STXBP5L: variants seen among roughly 807,000 people sequenced by gnomAD.
The protein encoded by STXBP5L is syntaxin-binding protein 5-like.
STXBP5L carries 65 observed loss-of-function variants against 144.5 expected under a neutral mutation model. The ratio of observed to expected loss-of-function variants is 0.45; its 90% CI spans 0.37 to 0.55. The LOEUF is 0.55. Among genes scored for constraint, STXBP5L ranks in the 20% least tolerant of loss-of-function variants. STXBP5L has a pLI of 0.00. For synonymous variants in STXBP5L, 505 were observed against 469.6 expected (o/e 1.08, Z -0.97); for missense variants, 1,298 against 1,405.5 (o/e 0.92, Z 1.22).
At chr3:121,418,801 G>A (rs540582192) in intron 26 of STXBP5L, among the ~76,000 whole-genome samples, 72 of 152,160 alleles carry the variant, frequency 4.7e-4, no homozygotes, top group African/African-American at 1.6e-3. Context: ...TTATCCATTG[G>A]TTCTGATACA....
At chr3:121,099,697 C>T (rs1208652216) in intron 5 of STXBP5L, 1 of 153,170 alleles carries the variant, frequency 6.5e-6, no homozygotes, top group East Asian at 1.9e-4. Context: ...TTCACCCTGA[C>T]TCCAAGCCTT....
Position 120,909,312 on chromosome 3 carries a change from C to T in STXBP5L, c.-8-259C>T. 1.1e-5 allele frequency: 4 copies of T among 362,358 alleles called. 1 individual carries two copies. The South Asian group carries it at 1.2e-4, about 11-fold the overall frequency. 22.4% of individuals were successfully genotyped at this position (362,358 alleles called of 1,614,324 possible). A position where few individuals can be genotyped will look rare whatever the true frequency, so the allele number is the denominator to read the frequency against. ...GCGTAGTTACAGCTGGGGATACAGT[C>T]CTTGAAAATCTGATGTGTGAGGAGG... On this transcript the variant is annotated intron_variant, in intron 1 of 26. Transcript: ENST00000471454.
At chr3:121,189,746 G>A (rs2679286) in intron 9 of STXBP5L, among the ~76,000 whole-genome samples, 74,286 of 151,606 alleles carry the variant, frequency 0.49, 18,626 homozygotes, top group East Asian at 0.73. Flanking sequence ...AGTTTTTTTT[G>A]TTTGTTTGTT....
chr3:121,194,025 T>A (rs1055667446), intron 9 of STXBP5L, among the ~76,000 whole-genome samples: 2 of 152,082 alleles, frequency 1.3e-5, no homozygotes, highest in South Asian at 4.1e-4. Context: ...TAGTAAATGT[T>A]TTATTGAAAT....
intron 7 of STXBP5L, among the ~76,000 whole-genome samples, chr3:121,126,427 G>A (rs1340977298): frequency 6.6e-6 from 1 of 152,098 alleles, no homozygotes; most frequent in Non-Finnish European, 1.5e-5. Context: ...TTGAAGTTAG[G>A]TTGTCTCCTG....
At chr3:121,352,615 A>T (rs1264027663) in intron 20 of STXBP5L, among the ~76,000 whole-genome samples, 1 of 152,146 alleles carries the variant, frequency 6.6e-6, no homozygotes, top group Non-Finnish European at 1.5e-5. Flanking sequence ...ATATACAATC[A>T]TGTCATCTGC....
chr3:121,012,070 T>A (rs1430891766), intron 3 of STXBP5L, among the ~76,000 whole-genome samples: 2 of 151,946 alleles, frequency 1.3e-5, no homozygotes, highest in African/African-American at 4.8e-5. Flanking sequence ...AATCATGCCA[T>A]ATGTAGTCTT....
At chr3:121,403,985 G>C (rs940548768) in intron 22 of STXBP5L, among the ~76,000 whole-genome samples, 5 of 152,070 alleles carry the variant, frequency 3.3e-5, no homozygotes, top group African/African-American at 1.2e-4. Context: ...GATGAATTCA[G>C]CCAGCTTCAT....
intron 19 of STXBP5L, among the ~76,000 whole-genome samples, chr3:121,311,534 C>A (rs983248038): frequency 3.3e-5 from 5 of 152,124 alleles, no homozygotes; most frequent in African/African-American, 1.2e-4. Flanking sequence ...CACAAGCATT[C>A]TTATACAACA....
intron 20 of STXBP5L, among the ~76,000 whole-genome samples, chr3:121,359,402 G>T (rs186087126): frequency 6.6e-6 from 1 of 152,040 alleles, no homozygotes; most frequent in African/African-American, 2.4e-5. Context: ...CCCATTCTGT[G>T]GTTTGTTTCT....
intron 5 of STXBP5L, among the ~76,000 whole-genome samples, chr3:121,081,840 T>A (rs2042261867): frequency 6.6e-6 from 1 of 152,166 alleles, no homozygotes; most frequent in Non-Finnish European, 1.5e-5. Flanking sequence ...GAGTGGGAGC[T>A]ACCTCAGCTC....
At chr3:121,053,319 T>A (rs1303627909) in intron 5 of STXBP5L, among the ~76,000 whole-genome samples, 2 of 152,152 alleles carry the variant, frequency 1.3e-5, no homozygotes, top group Non-Finnish European at 2.9e-5. Context: ...GTCGGAGGCA[T>A]CACACTCCCT....
rs1939878265 is a variant in STXBP5L at position 120,968,659 on chromosome 3, T to C, written c.287+13622T>C. Among the ~76,000 whole-genome samples, 8 of 152,190 alleles carry C rather than the reference T, an allele frequency of 5.3e-5. No individual in the cohort carries two copies. In the South Asian group the frequency reaches 1.7e-3, roughly 31 times the overall value. ...TTAGTGGTGATTTCTGATATTTTAGTGCACCTGTTACCTGAGCATTGTATA... is the reference window on the plus strand; with the variant it reads ...TTAGTGGTGATTTCTGATATTTTAGCGCACCTGTTACCTGAGCATTGTATA... On this transcript the variant is annotated intron_variant, in intron 3 of 26. Transcript: ENST00000471454.
At chr3:121,078,836 C>G (rs570371307) in intron 5 of STXBP5L, among the ~76,000 whole-genome samples, 1 of 152,258 alleles carries the variant, frequency 6.6e-6, no homozygotes, top group Non-Finnish European at 1.5e-5. Flanking sequence ...CAGGGCTGGC[C>G]GGCTGCTCTG....
Position 121,127,080 on chromosome 3 carries a change from T to G in STXBP5L, c.669+5376T>G, listed in dbSNP as rs541299733. ...GTCTTTGGGAGTCCTTTATTCTTCC[T>G]ACATCATCTCAGAACAATTAATTAC... On this transcript the variant is annotated intron_variant, in intron 7 of 26. Transcript: ENST00000471454. Among the ~76,000 whole-genome samples, 28 of 148,718 alleles carry G rather than the reference T, an allele frequency of 1.9e-4. No individual in the cohort carries two copies. The Middle Eastern group carries it at 0.017, about 91-fold the overall frequency.
At chr3:121,307,516 G>C (rs564289424) in intron 19 of STXBP5L, among the ~76,000 whole-genome samples, 1 of 152,170 alleles carries the variant, frequency 6.6e-6, no homozygotes, top group Non-Finnish European at 1.5e-5. Flanking sequence ...GAGTTGAAAG[G>C]TACAGTAAGT....
intron 3 of STXBP5L, among the ~76,000 whole-genome samples, chr3:120,964,666 T>C (rs2107759512): frequency 6.6e-6 from 1 of 152,340 alleles, no homozygotes; most frequent in East Asian, 1.9e-4. Context: ...TCTTTTACAA[T>C]TGCTGAGGAG....
chr3:121,350,540 A>G (rs1433700364), intron 20 of STXBP5L, among the ~76,000 whole-genome samples: 1 of 152,126 alleles, frequency 6.6e-6, no homozygotes, highest in East Asian at 1.9e-4. Flanking sequence ...CCTGGATAAT[A>G]TTCTGCAGAG....
intron 3 of STXBP5L, among the ~76,000 whole-genome samples, chr3:121,034,306 G>A (rs1293562512): frequency 3.3e-5 from 5 of 151,936 alleles, no homozygotes; most frequent in African/African-American, 1.2e-4. Context: ...ACCTTTCTGA[G>A]TGTCCAATGT....
Sources: gnomAD v4.1 joint callset for allele counts (sites outside exome capture counted in the v4.1 genomes callset) on GRCh38, gnomAD v4.1.1 for gene constraint, MANE v1.5 for transcripts, NCBI Gene and HGNC (gene_info 2026-07-23, HGNC 2026-07-21) for gene names.